CRYBG1: variants seen among roughly 807,000 people sequenced by gnomAD.
CRYBG1 encodes the protein beta/gamma crystallin domain-containing protein 1.
In CRYBG1, 139 loss-of-function variants were observed where a neutral mutation model predicts 189.2. The ratio of observed to expected loss-of-function variants is 0.73; its 90% confidence interval spans 0.64 to 0.85. The LOEUF (loss-of-function observed/expected upper bound fraction) is 0.85. Among genes scored for constraint, CRYBG1 ranks in the 40% least tolerant of loss-of-function variants. The pLI, the probability that CRYBG1 is intolerant of heterozygous loss-of-function variation, is 0.00. For synonymous variants in CRYBG1, 1,023 were observed against 1,017.1 expected (o/e 1.01, Z -0.11); for missense variants, 2,611 against 2,675.8 (o/e 0.98, Z 0.53).
chr6:106,445,035 A>C (rs1293713119), intron 1 of CRYBG1, among the ~76,000 whole-genome samples: 1 of 152,214 alleles, frequency 6.6e-6, no homozygotes, highest in African/African-American at 2.4e-5. Flanking sequence ...AGGAAGGTGA[A>C]TGCAATCAGG....
chr6:106,482,576 C>T (rs551921514), intron 2 of CRYBG1, among the ~76,000 whole-genome samples: 6 of 152,056 alleles, frequency 3.9e-5, no homozygotes, highest in Non-Finnish European at 7.4e-5. Flanking sequence ...GAGATCGAGA[C>T]CATCCTGGCT....
chr6:106,463,205 G>A (rs1013378288), intron 2 of CRYBG1, among the ~76,000 whole-genome samples: 8 of 148,314 alleles, frequency 5.4e-5, no homozygotes, highest in Non-Finnish European at 7.5e-5. Flanking sequence ...CTTCTGTCCT[G>A]TGCTATTCGT....
intron 20 of CRYBG1, among the ~76,000 whole-genome samples, chr6:106,562,766 C>T (rs1774762097): frequency 6.6e-6 from 1 of 152,090 alleles, no homozygotes; most frequent in Non-Finnish European, 1.5e-5. Flanking sequence ...GGATTACAGG[C>T]ATAAGCCACT....
intron 6 of CRYBG1, 95 bp from the exon 7 acceptor site, chr6:106,527,210 A>C: frequency 2.0e-6 from 2 of 979,900 alleles, no homozygotes; most frequent in Admixed American, 5.3e-5. Context: ...AATATTCTAT[A>C]TATATATATA....
At chr6:106,403,932 C>T (rs1770770466) in intron 1 of CRYBG1, among the ~76,000 whole-genome samples, 1 of 152,204 alleles carries the variant, frequency 6.6e-6, no homozygotes, top group Non-Finnish European at 1.5e-5. Flanking sequence ...AAGGGGAACT[C>T]ATGAGAGAAT....
At position 106,423,893 on chromosome 6, in the gene CRYBG1, C is replaced by T. The variant is rs549595402; in HGVS notation, c.174-27801C>T. 3.4e-4 allele frequency among the ~76,000 whole-genome samples: 52 copies of T among 151,784 alleles called. 1 individual carries two copies. The highest frequency in any genetic ancestry group is 1.0e-4 in the Non-Finnish European group (7 of 67,908). ...CTAATTTTTGTATTTTTTGTAGAGA[C>T]GGGGCTTTGCCACATTGCCCAGGCT... is the stretch of plus-strand genomic sequence containing the variant. On this transcript the variant is annotated intron_variant, in intron 1 of 21. Transcript: ENST00000633556.
At chr6:106,436,071 C>T (rs919866745) in intron 1 of CRYBG1, among the ~76,000 whole-genome samples, 2 of 152,096 alleles carry the variant, frequency 1.3e-5, no homozygotes, top group South Asian at 2.1e-4. Flanking sequence ...TCTATTACTG[C>T]CACTCAAAAT....
intron 2 of CRYBG1, among the ~76,000 whole-genome samples, chr6:106,466,527 A>G (rs538209183): frequency 5.9e-4 from 90 of 152,346 alleles, no homozygotes; most frequent in African/African-American, 2.1e-3. Context: ...AAGGGAATGA[A>G]AAGGGAATTG....
chr6:106,432,840 C>CTTTTTTTTTTTTTTTTTT (rs5878888), intron 1 of CRYBG1, among the ~76,000 whole-genome samples: 6 of 128,880 alleles, frequency 4.7e-5, no homozygotes, highest in Non-Finnish European at 9.6e-5. Flanking sequence ...TCTTTTCTTT[C>CTTTTTTTTTTTTTTTTTT]TTTTTTTTTT....
chr6:106,482,577 C>T (rs952399192), intron 2 of CRYBG1, among the ~76,000 whole-genome samples: 19 of 152,042 alleles, frequency 1.2e-4, no homozygotes, highest in African/African-American at 2.4e-4. Context: ...AGATCGAGAC[C>T]ATCCTGGCTA....
intron 8 of CRYBG1, among the ~76,000 whole-genome samples, chr6:106,537,540 C>CA (rs1774031751): frequency 6.6e-6 from 1 of 152,154 alleles, no homozygotes; most frequent in Non-Finnish European, 1.5e-5. Flanking sequence ...AGAAGCATTA[C>CA]AGTAGTATTT....
chr6:106,471,799 C>T (rs1198550396), intron 2 of CRYBG1, among the ~76,000 whole-genome samples: 1 of 124,862 alleles, frequency 8.0e-6, no homozygotes, highest in Non-Finnish European at 1.6e-5. Flanking sequence ...TTATGCCAGA[C>T]AGTTAAAAAA....
Position 106,399,781 on chromosome 6 carries a change from C to T in CRYBG1, c.173+38700C>T, listed in dbSNP as rs117526940. On this transcript the variant is annotated intron_variant, in intron 1 of 21. Coordinates refer to ENST00000633556, the MANE Select transcript of CRYBG1 (RefSeq NM_001371242.2). ...AAGGCATCCTGCCACCTCAGCCTCC[C>T]GAGTAGATGGGACCGTAGGCATGCA... is the stretch of plus-strand genomic sequence containing the variant. 5.3e-4 allele frequency among the ~76,000 whole-genome samples: 81 copies of T among 151,802 alleles called. 1 individual carries two copies. The East Asian group carries it at 0.015, about 27-fold the overall frequency.
intron 2 of CRYBG1, among the ~76,000 whole-genome samples, chr6:106,453,239 A>G (rs1161846085): frequency 2.6e-5 from 4 of 152,232 alleles, no homozygotes; most frequent in Admixed American, 2.6e-4. Context: ...AGCAGTAAAA[A>G]GGACATGAAG....
In CRYBG1 at chr6:106,555,904, A is replaced by G. The variant is rs765251019; in HGVS notation, c.5715+7A>G. 123 of 1,614,044 alleles carry G rather than the reference A, an allele frequency of 7.6e-5. No homozygotes were observed. The highest frequency in any genetic ancestry group is 9.4e-5 in the Non-Finnish European group (111 of 1,179,998). On this transcript the variant is annotated splice_region_variant and intron_variant, in intron 17 of 21. Coordinates refer to ENST00000633556, the MANE Select transcript of CRYBG1 (RefSeq NM_001371242.2). ...TCTTCGTTTTATAGATGTTGTAAGT[A>G]TGTCATTGTGAATAGTGTTGCAGAA... is the stretch of plus-strand genomic sequence containing the variant.
At chr6:106,456,611 T>C (rs1771894238) in intron 2 of CRYBG1, among the ~76,000 whole-genome samples, 1 of 152,194 alleles carries the variant, frequency 6.6e-6, no homozygotes, top group Non-Finnish European at 1.5e-5. Flanking sequence ...AAAAAACATT[T>C]TCTAATCCTT....
chr6:106,474,618 G>A (rs966815279), intron 2 of CRYBG1, among the ~76,000 whole-genome samples: 3 of 151,896 alleles, frequency 2.0e-5, no homozygotes, highest in East Asian at 1.9e-4. Flanking sequence ...GTGTACTTCC[G>A]GTCTATCCCT....
chr6:106,461,432 T>G (rs1295155763), intron 2 of CRYBG1, among the ~76,000 whole-genome samples: 1 of 152,208 alleles, frequency 6.6e-6, no homozygotes, highest in African/African-American at 2.4e-5. Context: ...GGTGACATCA[T>G]CCTCATAATA....
At position 106,556,169 on chromosome 6, in the gene CRYBG1, G is replaced by A. The variant is rs536839344; in HGVS notation, c.5715+272G>A. On this transcript the variant is annotated intron_variant, in intron 17 of 21. Transcript: ENST00000633556. ...CTATATATTAGGAGTAGAATTACTG[G>A]ATTTCACATGTAAGAACAGGCAGTT... 5.9e-5 allele frequency among the ~76,000 whole-genome samples: 9 copies of A among 152,294 alleles called. No homozygotes were observed. The South Asian group carries it at 1.4e-3, about 25-fold the overall frequency.
Sources: gnomAD v4.1 joint callset for allele counts (sites outside exome capture counted in the v4.1 genomes callset) on GRCh38, gnomAD v4.1.1 for gene constraint, MANE v1.5 for transcripts, NCBI Gene and HGNC (gene_info 2026-07-23, HGNC 2026-07-21) for gene names.